MIPOL1: variants seen among roughly 807,000 people sequenced by gnomAD.
MIPOL1 encodes mirror-image polydactyly 1.
A neutral mutation model predicts 60.9 loss-of-function variants in MIPOL1; 57 were observed. The observed-to-expected ratio is 0.94, with a 90% CI of 0.76 to 1.17. The LOEUF is 1.17. Ranked by LOEUF, MIPOL1 falls within the 50% of genes most tolerant of loss-of-function variation. The pLI is 0.00. For missense variants in MIPOL1, 551 were observed against 511.6 expected (o/e 1.08, Z -0.74); for synonymous variants, 179 against 168.8 (o/e 1.06, Z -0.47).
chr14:37,353,822 G>A (rs187281790), intron 9 of MIPOL1, among the ~76,000 whole-genome samples: 97 of 151,998 alleles, frequency 6.4e-4, no homozygotes, highest in African/African-American at 2.0e-3. Context: ...TCTTGCTAGC[G>A]ATCTATCAAT....
intron 9 of MIPOL1, among the ~76,000 whole-genome samples, chr14:37,360,724 C>G (rs1196922056): frequency 2.0e-5 from 3 of 152,042 alleles, no homozygotes; most frequent in African/African-American, 4.8e-5. Flanking sequence ...CTTTATTGGT[C>G]TTGCTAGCAG....
At chr14:37,275,942 T>G (rs931142506) in intron 6 of MIPOL1, among the ~76,000 whole-genome samples, 1 of 151,146 alleles carries the variant, frequency 6.6e-6, no homozygotes, top group Non-Finnish European at 1.5e-5. Context: ...TGCAGACACA[T>G]TTCTTATTAA....
intron 1 of MIPOL1, among the ~76,000 whole-genome samples, chr14:37,218,217 G>C (rs1445375022): frequency 1.3e-5 from 2 of 151,864 alleles, no homozygotes; most frequent in Non-Finnish European, 2.9e-5. Flanking sequence ...GTCTCACTCT[G>C]TTGCCCAGGC....
In MIPOL1 at chr14:37,250,355, C is replaced by G. The variant is rs560547341; in HGVS notation, c.19+2448C>G. ...TTGAGGTCAGGAGTTCGAGGCCAGC[C>G]TGACCAACATGGTGAAATCCTGTCT... On this transcript the variant is annotated intron_variant, in intron 3 of 12. Transcript: ENST00000684589. 3.3e-5 allele frequency among the ~76,000 whole-genome samples: 5 copies of G among 152,178 alleles called. No individual in the cohort carries two copies. In the East Asian group the frequency reaches 9.7e-4, roughly 30 times the overall value.
intron 1 of MIPOL1, among the ~76,000 whole-genome samples, chr14:37,222,480 G>A (rs185638012): frequency 6.7e-6 from 1 of 149,090 alleles, no homozygotes; most frequent in African/African-American, 2.5e-5. Flanking sequence ...TCAGTATTTT[G>A]CTTAGAAATT....
At chr14:37,200,848 CTATGTGTGTGTGTG>C (rs1361195227) in intron 1 of MIPOL1, among the ~76,000 whole-genome samples, 10 of 94,888 alleles carry the variant, frequency 1.1e-4, no homozygotes, top group African/African-American at 2.6e-4. Context: ...CTATATCTAT[CTATGTGTGTGTGTG>C]TGTGTGTGTG....
chr14:37,532,454 A>G (rs896016644), intron 12 of MIPOL1, among the ~76,000 whole-genome samples: 22 of 152,226 alleles, frequency 1.4e-4, no homozygotes, highest in African/African-American at 4.8e-4. Context: ...CAAGTCATCT[A>G]TGGTGCTTGA....
At chr14:37,313,089 CTT>C (rs2087514165) in intron 9 of MIPOL1, among the ~76,000 whole-genome samples, 1 of 152,102 alleles carries the variant, frequency 6.6e-6, no homozygotes, top group Admixed American at 6.6e-5. Flanking sequence ...CCCATCTTCT[CTT>C]AATATCTAGC....
intron 12 of MIPOL1, among the ~76,000 whole-genome samples, chr14:37,500,409 A>G (rs549985604): frequency 1.6e-3 from 236 of 152,246 alleles, no homozygotes; most frequent in African/African-American, 5.4e-3. Flanking sequence ...TATTTAAATC[A>G]TTTCACAGTC....
chr14:37,505,964 G>A (rs2153618345), intron 12 of MIPOL1: 2 of 58,476 alleles, frequency 3.4e-5, no homozygotes, highest in Non-Finnish European at 3.0e-5. Flanking sequence ...ACCAAAAACA[G>A]ACAAACAGCC....
intron 12 of MIPOL1, among the ~76,000 whole-genome samples, chr14:37,542,169 G>A (rs962982348): frequency 6.6e-6 from 1 of 152,130 alleles, no homozygotes; most frequent in East Asian, 1.9e-4. Context: ...TCTTGTTTAA[G>A]CACCTACTTA....
At chr14:37,470,346 T>C (rs556012447) in intron 11 of MIPOL1, among the ~76,000 whole-genome samples, 2 of 152,150 alleles carry the variant, frequency 1.3e-5, no homozygotes, top group East Asian at 3.9e-4. Flanking sequence ...CCCGCCCAAA[T>C]CTCATGTTGA....
chr14:37,544,644 C>T (rs1305618380), intron 12 of MIPOL1, among the ~76,000 whole-genome samples: 2 of 152,146 alleles, frequency 1.3e-5, no homozygotes, highest in Admixed American at 6.5e-5. Context: ...AGGTGTATTC[C>T]ATTCCTTACA....
chr14:37,296,735 C>A (rs937243786), intron 7 of MIPOL1, among the ~76,000 whole-genome samples: 35 of 152,262 alleles, frequency 2.3e-4, no homozygotes, highest in African/African-American at 7.9e-4. Flanking sequence ...GACACATACA[C>A]CCTCCCAAGA....
chr14:37,526,504 G>A (rs1199408299), intron 12 of MIPOL1, among the ~76,000 whole-genome samples: 1 of 150,882 alleles, frequency 6.6e-6, no homozygotes, highest in Non-Finnish European at 1.5e-5. Flanking sequence ...CAAGTAGCTG[G>A]GACTACAGGC....
intron 3 of MIPOL1, among the ~76,000 whole-genome samples, chr14:37,257,962 G>C (rs1486667944): frequency 1.3e-5 from 2 of 152,092 alleles, no homozygotes; most frequent in Non-Finnish European, 2.9e-5. Flanking sequence ...TTCACAACCT[G>C]ACCTTTTGAA....
intron 9 of MIPOL1, among the ~76,000 whole-genome samples, chr14:37,357,954 A>G (rs1035986293): frequency 6.6e-6 from 1 of 151,762 alleles, no homozygotes; most frequent in Non-Finnish European, 1.5e-5. Context: ...CTCGTCATTT[A>G]TGTTAGGTAT....
At chr14:37,292,359 C>T (rs2085164731) in intron 7 of MIPOL1, among the ~76,000 whole-genome samples, 1 of 150,816 alleles carries the variant, frequency 6.6e-6, no homozygotes, top group South Asian at 2.1e-4. Context: ...GTGGTGTATT[C>T]ATAGTTGTCA....
chr14:37,469,229 T>C (rs539175418), intron 11 of MIPOL1, among the ~76,000 whole-genome samples: 11 of 152,296 alleles, frequency 7.2e-5, no homozygotes, highest in African/African-American at 2.6e-4. Context: ...CATAGTGGCA[T>C]CTGCTTCTGG....
Sources: gnomAD v4.1 joint callset for allele counts (sites outside exome capture counted in the v4.1 genomes callset) on GRCh38, gnomAD v4.1.1 for gene constraint, MANE v1.5 for transcripts, NCBI Gene and HGNC (gene_info 2026-07-23, HGNC 2026-07-21) for gene names.